IPO5: variants seen among roughly 807,000 people sequenced by gnomAD.
IPO5 encodes the protein importin-5.
In IPO5, 18 loss-of-function variants were observed where a neutral mutation model predicts 143.3. The ratio of observed to expected loss-of-function variants is 0.13; its 90% CI spans 0.09 to 0.19. IPO5 has a LOEUF of 0.19. Ranked by LOEUF, IPO5 falls within the 10% of genes least tolerant of loss-of-function variation. The probability of loss-of-function intolerance (pLI) is 1.00; values close to 1 mark genes in which losing one functional copy is unlikely to be tolerated. For missense variants in IPO5, 1,013 were observed against 1,336.9 expected (o/e 0.76, Z 3.78); for synonymous variants, 477 against 465.7 (o/e 1.02, Z -0.31).
intron 6 of IPO5, among the ~76,000 whole-genome samples, chr13:97,986,542 G>A (rs962065861): frequency 1.3e-5 from 2 of 151,728 alleles, no homozygotes; most frequent in African/African-American, 4.8e-5. Flanking sequence ...TATTTTTAGG[G>A]TTTCTCCATG....
chr13:97,964,575 C>CT (rs2139512278), intron 2 of IPO5, among the ~76,000 whole-genome samples: 1 of 151,042 alleles, frequency 6.6e-6, no homozygotes, highest in South Asian at 2.1e-4. Context: ...GTAGCTGGGA[C>CT]TATAGGCACC....
At chr13:97,965,533 CAAT>C (rs1423603145) in intron 2 of IPO5, among the ~76,000 whole-genome samples, 5 of 152,064 alleles carry the variant, frequency 3.3e-5, no homozygotes, top group East Asian at 1.9e-4. Flanking sequence ...TTTCTTCCAA[CAAT>C]GTTTTATAAT....
chr13:97,985,888 C>T lies in IPO5; in HGVS notation c.364+275C>T, dbSNP rs527336481. On this transcript the variant is annotated intron_variant, in intron 6 of 28. Transcript: ENST00000651721. Reference sequence around the variant, plus strand: ...CTGTAATCTCAGCACTTTAGGAGGCCGAGGTGGGCACATCGCTTGAGTCTA... The same window carrying T: ...CTGTAATCTCAGCACTTTAGGAGGCTGAGGTGGGCACATCGCTTGAGTCTA... Among the ~76,000 whole-genome samples, 16 of 152,058 alleles carry T rather than the reference C, an allele frequency of 1.1e-4. 1 individual carries two copies. The South Asian group carries it at 2.9e-3, about 28-fold the overall frequency.
intron 13 of IPO5, chr13:98,002,062 A>G (rs1222532355): frequency 6.5e-6 from 1 of 154,086 alleles, no homozygotes; most frequent in Non-Finnish European, 1.4e-5. Flanking sequence ...CGCCCAGACC[A>G]GAGTGCAGTG....
chr13:97,963,491 T>A (rs1049926941), intron 2 of IPO5, among the ~76,000 whole-genome samples: 6 of 151,434 alleles, frequency 4.0e-5, no homozygotes, highest in Non-Finnish European at 7.4e-5. Flanking sequence ...TGCCTCAGCC[T>A]CCCAAGTAGC....
chr13:98,019,185 C>A (rs1028759657), intron 26 of IPO5, among the ~76,000 whole-genome samples: 3 of 152,060 alleles, frequency 2.0e-5, no homozygotes, highest in African/African-American at 7.2e-5. Context: ...ATCTCCTGAC[C>A]TCGTGATCGG....
At chr13:97,992,044 A>T (rs1887849274) in intron 9 of IPO5, among the ~76,000 whole-genome samples, 2 of 152,246 alleles carry the variant, frequency 1.3e-5, no homozygotes, top group African/African-American at 4.8e-5. Context: ...AGGTTTCCAC[A>T]TGATAAGTTA....
chr13:97,988,546 G>C (rs187913849), intron 6 of IPO5, among the ~76,000 whole-genome samples: 2 of 152,324 alleles, frequency 1.3e-5, no homozygotes, highest in East Asian at 3.9e-4. Flanking sequence ...CTAGTACTTT[G>C]GAAGGCCAAG....
At chr13:97,985,316 TTTAC>T in intron 5 of IPO5, 101 bp from the exon 6 acceptor site, 1 of 846,612 alleles carries the variant, frequency 1.2e-6, no homozygotes, top group Non-Finnish European at 1.9e-6. Context: ...GAGTTATATA[TTTAC>T]TTCTTTAGAA....
At chr13:97,996,687 C>G (rs1045232131) in intron 11 of IPO5, among the ~76,000 whole-genome samples, 2 of 152,088 alleles carry the variant, frequency 1.3e-5, no homozygotes, top group African/African-American at 2.4e-5. Context: ...ACAGCGAGCT[C>G]CACCTCCCAG....
At chr13:97,978,533 T>C (rs1445220807) in intron 4 of IPO5, among the ~76,000 whole-genome samples, 1 of 152,122 alleles carries the variant, frequency 6.6e-6, no homozygotes, top group Non-Finnish European at 1.5e-5. Context: ...GTGATATGCA[T>C]GTATTGCACC....
At chr13:98,002,839 G>C in intron 15 of IPO5, 25 bp from the exon 16 acceptor site, 1 of 1,603,690 alleles carries the variant, frequency 6.2e-7, no homozygotes, top group Non-Finnish European at 8.5e-7. Context: ...TTCAACATGT[G>C]TGCCCATTTG....
rs373643651 is a variant in IPO5 at position 97,990,255 on chromosome 13, C to T, written c.564+33C>T. ...ATTTCAATCCTATTAATATAACCAT[C>T]TATTTTAATCTAATTTGCGAAAGAA... On this transcript the variant is annotated intron_variant, in intron 8 of 28. Transcript: ENST00000651721. 3.0e-4 allele frequency: 422 copies of T among 1,417,446 alleles called. 1 individual carries two copies. The highest frequency in any genetic ancestry group is 8.8e-4 in the Admixed American group (49 of 55,778). 87.8% of individuals were successfully genotyped at this position (1,417,446 alleles called of 1,614,324 possible).
At chr13:97,982,606 T>C in intron 5 of IPO5, 23 bp downstream of exon 5, 1 of 1,376,682 alleles carries the variant, frequency 7.3e-7, no homozygotes, top group Non-Finnish European at 1.0e-6. Flanking sequence ...TATTTGTGAC[T>C]ATTACATTCT....
At chr13:97,988,996 G>A in intron 6 of IPO5, 66 bp from the exon 7 acceptor site, 2 of 853,576 alleles carry the variant, frequency 2.3e-6, no homozygotes, top group Admixed American at 2.0e-5. Context: ...GAAATGAAAG[G>A]ATTTACTCCT....
intron 2 of IPO5, among the ~76,000 whole-genome samples, chr13:97,966,621 G>A (rs1055981696): frequency 3.3e-5 from 5 of 152,046 alleles, no homozygotes; most frequent in East Asian, 1.9e-4. Context: ...GATTCATTAC[G>A]TGTTCACTCT....
chr13:98,008,826 A>T (rs532023106), intron 18 of IPO5, among the ~76,000 whole-genome samples: 110 of 152,348 alleles, frequency 7.2e-4, no homozygotes, highest in African/African-American at 2.6e-3. Flanking sequence ...CCCAATGCCT[A>T]ACATATAACA....
chr13:97,988,405 A>C (rs1386640986), intron 6 of IPO5, among the ~76,000 whole-genome samples: 1 of 152,208 alleles, frequency 6.6e-6, no homozygotes, highest in Non-Finnish European at 1.5e-5. Context: ...TCAACTCTTT[A>C]ATAGCAATGG....
At chr13:98,010,803 TGGAGTC>T (rs1889650445) in intron 20 of IPO5, among the ~76,000 whole-genome samples, 10 of 138,066 alleles carry the variant, frequency 7.2e-5, no homozygotes, top group East Asian at 2.1e-4. Flanking sequence ...TTTTTTGAGG[TGGAGTC>T]TCTCTTTTTC....
Sources: allele counts gnomAD v4.1 joint callset (sites outside exome capture counted in the v4.1 genomes callset), GRCh38; gene constraint gnomAD v4.1.1; transcripts MANE v1.5; gene names NCBI Gene and HGNC (gene_info 2026-07-23, HGNC 2026-07-21).